PLA2G4A: variants seen among roughly 807,000 people sequenced by gnomAD.
The protein encoded by PLA2G4A is phospholipase A2 group IVA.
PLA2G4A carries 40 observed loss-of-function variants against 81.9 expected under a neutral mutation model. That is an observed-to-expected ratio of 0.49 (90% CI 0.38 to 0.64). The LOEUF (loss-of-function observed/expected upper bound fraction) is 0.64, where lower values mean the gene tolerates loss of function less well. Ranked by LOEUF, PLA2G4A falls within the 30% of genes least tolerant of loss-of-function variation. The probability of loss-of-function intolerance (pLI) is 0.00; values close to 1 mark genes in which losing one functional copy is unlikely to be tolerated. For synonymous variants in PLA2G4A, 302 were observed against 296.9 expected, an observed-to-expected ratio of 1.02 and a Z score of -0.18; for missense variants, 715 against 905.1, an observed-to-expected ratio of 0.79 and a Z score of 2.69.
At chr1:186,969,630 T>G (rs1657270395) in intron 15 of PLA2G4A, among the ~76,000 whole-genome samples, 1 of 151,884 alleles carries the variant, frequency 6.6e-6, no homozygotes, top group African/African-American at 2.4e-5. Context: ...TGTTTTTAGT[T>G]CCACATGTAA....
At chr1:186,858,837 G>A (rs1178937279) in intron 2 of PLA2G4A, among the ~76,000 whole-genome samples, 1 of 151,930 alleles carries the variant, frequency 6.6e-6, no homozygotes, top group African/African-American at 2.4e-5. Flanking sequence ...TAAATGAAGA[G>A]ATCTGTGAGC....
intron 17 of PLA2G4A, among the ~76,000 whole-genome samples, chr1:186,982,907 T>A (rs1657771138): frequency 6.6e-6 from 1 of 151,472 alleles, no homozygotes; most frequent in Non-Finnish European, 1.5e-5. Flanking sequence ...TGAAACCCCG[T>A]CTCTACTAAA....
intron 1 of PLA2G4A, among the ~76,000 whole-genome samples, chr1:186,834,919 T>G: frequency 6.6e-6 from 1 of 152,304 alleles, no homozygotes; most frequent in African/African-American, 2.4e-5. Context: ...ATTTATCATT[T>G]GGACAAAATA....
chr1:186,896,830 C>A (rs900466730), intron 5 of PLA2G4A, among the ~76,000 whole-genome samples: 13 of 151,968 alleles, frequency 8.6e-5, no homozygotes, highest in African/African-American at 2.9e-4. Context: ...AATGATAATC[C>A]TTTGAGCTGC....
intron 10 of PLA2G4A, among the ~76,000 whole-genome samples, chr1:186,945,191 G>A (rs1161962004): frequency 6.6e-6 from 1 of 152,144 alleles, no homozygotes; most frequent in African/African-American, 2.4e-5. Context: ...GGAATAGCAA[G>A]TGTAAGGTGC....
intron 10 of PLA2G4A, among the ~76,000 whole-genome samples, chr1:186,942,340 T>G (rs532033735): frequency 1.2e-3 from 184 of 152,324 alleles, no homozygotes; most frequent in Non-Finnish European, 2.4e-3. Context: ...CATGGCCAAA[T>G]AAATCATCCT....
At chr1:186,838,449 A>C (rs1651866573) in intron 1 of PLA2G4A, among the ~76,000 whole-genome samples, 1 of 152,194 alleles carries the variant, frequency 6.6e-6, no homozygotes, top group African/African-American at 2.4e-5. Context: ...TCCTTTATCT[A>C]AGGTAATTAG....
intron 5 of PLA2G4A, among the ~76,000 whole-genome samples, chr1:186,897,901 C>T (rs1654395781): frequency 6.6e-6 from 1 of 152,106 alleles, no homozygotes; most frequent in Non-Finnish European, 1.5e-5. Context: ...TTCTAATGGT[C>T]CTGTCATCCA....
chr1:186,914,452 G>T (rs1226479981), intron 7 of PLA2G4A, among the ~76,000 whole-genome samples: 2 of 149,314 alleles, frequency 1.3e-5, no homozygotes, highest in East Asian at 2.0e-4. Context: ...GGGAGCATCG[G>T]CAAGACTCCT....
intron 15 of PLA2G4A, among the ~76,000 whole-genome samples, chr1:186,971,524 A>G (rs1657355857): frequency 6.6e-6 from 1 of 151,990 alleles, no homozygotes; most frequent in Non-Finnish European, 1.5e-5. Flanking sequence ...CTGACACTTA[A>G]TATAAAGTAA....
intron 3 of PLA2G4A, among the ~76,000 whole-genome samples, chr1:186,872,830 G>A (rs1047951535): frequency 6.6e-6 from 1 of 152,062 alleles, no homozygotes; most frequent in African/African-American, 2.4e-5. Context: ...TTAGGTTTTG[G>A]TTCCCCACAG....
At chr1:186,853,869 T>G (rs1652461148) in intron 1 of PLA2G4A, among the ~76,000 whole-genome samples, 1 of 151,980 alleles carries the variant, frequency 6.6e-6, no homozygotes, top group African/African-American at 2.4e-5. Flanking sequence ...ATAGCTAAGG[T>G]GAAAATATCT....
At position 186,961,276 on chromosome 1, in the gene PLA2G4A, C is replaced by A. The variant is rs57502058; in HGVS notation, c.1580-4133C>A. Among the ~76,000 whole-genome samples the A allele has an allele frequency of 4.5e-3, 689 of 152,098 alleles. 5 individuals are homozygous for A. Among genetic ancestry groups the A allele is most frequent in the African/African-American group, 0.016 (659 of 41,474 alleles). ...AGGAATAAGTGCTGGGTATCTATTG[C>A]ACAGCATGGTGCCTGCAGTTAATAA... On this transcript the variant is annotated intron_variant, in intron 14 of 17. Coordinates refer to ENST00000367466, the MANE Select transcript of PLA2G4A (RefSeq NM_024420.3).
intron 2 of PLA2G4A, among the ~76,000 whole-genome samples, chr1:186,863,929 T>G (rs1354301084): frequency 2.0e-5 from 3 of 151,848 alleles, no homozygotes; most frequent in Non-Finnish European, 4.4e-5. Context: ...CCTGGCTAAT[T>G]TTTTATATTT....
chr1:186,864,355 A>T (rs904667886), intron 2 of PLA2G4A, among the ~76,000 whole-genome samples: 2 of 152,018 alleles, frequency 1.3e-5, no homozygotes, highest in African/African-American at 4.8e-5. Context: ...TACCATTTTT[A>T]ATTTTTTTGA....
intron 13 of PLA2G4A, 46 bp downstream of exon 13, chr1:186,950,774 A>T (rs1405299401): frequency 1.3e-5 from 12 of 957,766 alleles, no homozygotes; most frequent in Non-Finnish European, 2.1e-5. Flanking sequence ...TGAGGAAAGG[A>T]TATGAACACT....
At chr1:186,842,406 A>G (rs577437677) in intron 1 of PLA2G4A, among the ~76,000 whole-genome samples, 1 of 152,046 alleles carries the variant, frequency 6.6e-6, no homozygotes, top group South Asian at 2.1e-4. Flanking sequence ...CTCCTACAGC[A>G]CCACTTTTCT....
In PLA2G4A at chr1:186,927,713, G is replaced by T. The variant is rs1041306350; in HGVS notation, c.559-5050G>T. 3.3e-5 allele frequency among the ~76,000 whole-genome samples: 5 copies of T among 152,312 alleles called. No homozygotes were observed. In the South Asian group the frequency reaches 8.3e-4, roughly 25 times the overall value. On this transcript the variant is annotated intron_variant, in intron 7 of 17. Coordinates refer to ENST00000367466, the MANE Select transcript of PLA2G4A (RefSeq NM_024420.3). ...GGACCTTAAGTAATTAATTCTCCGA[G>T]TGCCACTTGGTACTTGTCATATAAG...
At chr1:186,974,884 T>G (rs1024071063) in intron 15 of PLA2G4A, among the ~76,000 whole-genome samples, 15 of 152,230 alleles carry the variant, frequency 9.9e-5, no homozygotes, top group African/African-American at 3.6e-4. Flanking sequence ...TTTAATCTTT[T>G]CCACATCAGG....
Sources: gnomAD v4.1 joint callset for allele counts (sites outside exome capture counted in the v4.1 genomes callset) on GRCh38, gnomAD v4.1.1 for gene constraint, MANE v1.5 for transcripts, NCBI Gene and HGNC (gene_info 2026-07-23, HGNC 2026-07-21) for gene names.